NSD2: variants seen among roughly 807,000 people sequenced by gnomAD.
NSD2 encodes histone-lysine N-methyltransferase NSD2.
A neutral mutation model predicts 139.0 loss-of-function variants in NSD2; 12 were observed. That is an observed-to-expected ratio of 0.09 (90% confidence interval 0.06 to 0.14). NSD2 has a LOEUF of 0.14. NSD2 is among the 10% of genes least tolerant of loss of function. The probability of loss-of-function intolerance (pLI) is 1.00; values close to 1 mark genes in which losing one functional copy is unlikely to be tolerated. For missense variants in NSD2, 1,155 were observed against 1,745.0 expected, an observed-to-expected ratio of 0.66 and a Z score of 6.02; for synonymous variants, 669 against 648.7, an observed-to-expected ratio of 1.03 and a Z score of -0.48.
intron 1 of NSD2, among the ~76,000 whole-genome samples, chr4:1,878,407 CA>C (rs1360556191): frequency 6.6e-6 from 1 of 150,996 alleles, no homozygotes; most frequent in Non-Finnish European, 1.5e-5. Flanking sequence ...CATGCCTGGC[CA>C]AAAAAACTTT....
At chr4:1,928,854 A>G (rs956770597) in intron 5 of NSD2, among the ~76,000 whole-genome samples, 6 of 152,096 alleles carry the variant, frequency 3.9e-5, no homozygotes, top group African/African-American at 1.4e-4. Flanking sequence ...CCACTGGTTG[A>G]AGAGCTGAGG....
chr4:1,886,096 G>A (rs1454936919), intron 1 of NSD2, among the ~76,000 whole-genome samples: 3 of 152,200 alleles, frequency 2.0e-5, no homozygotes, highest in Non-Finnish European at 2.9e-5. Flanking sequence ...ACTAAAGCGC[G>A]TCCATTGAAG....
intron 5 of NSD2, among the ~76,000 whole-genome samples, chr4:1,928,006 C>A (rs1721160508): frequency 6.6e-6 from 1 of 151,996 alleles, no homozygotes; most frequent in Non-Finnish European, 1.5e-5. Flanking sequence ...GCTTCCACCT[C>A]CACTTCCCAA....
intron 1 of NSD2, among the ~76,000 whole-genome samples, chr4:1,896,419 C>T (rs892443139): frequency 1.3e-5 from 2 of 152,210 alleles, no homozygotes; most frequent in Non-Finnish European, 2.9e-5. Flanking sequence ...CTGAGTCTGG[C>T]GTGCAATAGT....
In NSD2 at chr4:1,937,962, A is replaced by T. The variant is rs142740424; in HGVS notation, c.1675-489A>T. Reference sequence around the variant, plus strand: ...GTTTGTCTAAAAATTGGAAATCCTCAGTATAGTGATACTAGTAATGTTGGT... The same window carrying T: ...GTTTGTCTAAAAATTGGAAATCCTCTGTATAGTGATACTAGTAATGTTGGT... On this transcript the variant is annotated intron_variant, in intron 7 of 21. Transcript: ENST00000508803. Among the ~76,000 whole-genome samples, 153 of 152,354 alleles carry T rather than the reference A, an allele frequency of 1.0e-3. 1 individual carries two copies. In the Middle Eastern group the frequency reaches 0.031, roughly 30 times the overall value.
chr4:1,892,546 T>C (rs1715662584), intron 1 of NSD2, among the ~76,000 whole-genome samples: 1 of 151,952 alleles, frequency 6.6e-6, no homozygotes, highest in African/African-American at 2.4e-5. Context: ...TCTGTTCCTG[T>C]CCCCCTTAGA....
In NSD2 at chr4:1,932,032, G is replaced by A. The variant is rs116177396; in HGVS notation, c.1555+1262G>A. Reference sequence around the variant, plus strand: ...TTTCTGCCCACAGTGTGTGTCAGGTGTATGCAGGTTCTTGGGTGTCCTTTA... The same window carrying A: ...TTTCTGCCCACAGTGTGTGTCAGGTATATGCAGGTTCTTGGGTGTCCTTTA... On this transcript the variant is annotated intron_variant, in intron 6 of 21. Coordinates refer to ENST00000508803, the MANE Select transcript of NSD2 (RefSeq NM_001042424.3). Among the ~76,000 whole-genome samples, 439 of 152,294 alleles carry A rather than the reference G, an allele frequency of 2.9e-3. 3 individuals are homozygous for A. The highest frequency in any genetic ancestry group is 0.01 in the African/African-American group (416 of 41,548).
chr4:1,975,777 C>T (rs1560814190), intron 20 of NSD2: 1 of 222,832 alleles, frequency 4.5e-6, no homozygotes, highest in East Asian at 1.1e-4. Context: ...CCCAACCATT[C>T]TCCCTGCGAA....
intron 5 of NSD2, 71 bp from the exon 6 acceptor site, chr4:1,930,555 T>C: frequency 2.0e-6 from 3 of 1,476,154 alleles, no homozygotes; most frequent in Non-Finnish European, 2.7e-6. Flanking sequence ...GTGCATTTGA[T>C]TTCATGCAAA....
chr4:1,900,927 C>T lies in NSD2; in HGVS notation c.273C>T (p.Pro91=), dbSNP rs562323675. ...CTTCCCGGGTGTTTAATGGAGAACC[C>T]GGCGCACACGATGCCAAACTGCGTT... ...DLTSRVFNGE[P]GAHDAKLRFE... Residue 91 remains proline (P), a synonymous_variant, in exon 2 of 22, where the codon CCC becomes CCT. Transcript: ENST00000508803. 45 of 1,613,982 alleles carry T rather than the reference C, an allele frequency of 2.8e-5. No individual in the cohort carries two copies. The highest frequency in any genetic ancestry group is 5.3e-5 in the African/African-American group (4 of 74,904).
intron 3 of NSD2, among the ~76,000 whole-genome samples, chr4:1,914,892 C>A (rs1719154701): frequency 5.9e-5 from 9 of 152,106 alleles, no homozygotes. Context: ...GTGGATGTTG[C>A]AGTGGGACAC....
At position 1,918,607 on chromosome 4, in the gene NSD2, A is replaced by G. The variant is rs200573697; in HGVS notation, c.1394A>G (p.Gln465Arg). 32 of 1,613,712 alleles carry G rather than the reference A, an allele frequency of 2.0e-5. No homozygotes were observed. The highest frequency in any genetic ancestry group is 2.7e-5 in the Non-Finnish European group (32 of 1,180,016). The change falls in exon 5 of 22, where the codon CAA (glutamine) becomes CGA (arginine). Residue 465 changes from glutamine (Q) to arginine (R), a missense_variant. Physicochemically the swap from Gln to Arg is conservative, Grantham distance 43. Coordinates refer to ENST00000508803, the MANE Select transcript of NSD2 (RefSeq NM_001042424.3). ...DAASQFLVFC[Q>R]KHRDEVVAEH... ...GCATCCCAGTTTTTGGTCTTCTGTC[A>G]AAAACACAGGGATGAGGTCAGTACT...
At position 1,981,714 on chromosome 4, in the gene NSD2, A is replaced by C; in HGVS notation, c.*2805A>C. On this transcript the variant is annotated 3_prime_UTR_variant, in exon 22 of 22. Coordinates refer to ENST00000508803, the MANE Select transcript of NSD2 (RefSeq NM_001042424.3). ...GCAGTGTTTGTCTGTCTTGACATCT[A>C]AACCCCGGCGTGTGCAGTGCCCATC... 2.5e-6 allele frequency: 1 copy of C among 396,030 alleles called. No individual in the cohort carries two copies. Among genetic ancestry groups the C allele is most frequent in the Non-Finnish European group, 4.4e-6 (1 of 224,902 alleles). The allele number at this position is 396,030 out of a possible 1,614,324, so 24.5% of individuals were successfully genotyped here. A position where few individuals can be genotyped will look rare whatever the true frequency, so the allele number is the denominator to read the frequency against.
At chr4:1,889,947 C>G (rs1340492376) in intron 1 of NSD2, among the ~76,000 whole-genome samples, 1 of 152,148 alleles carries the variant, frequency 6.6e-6, no homozygotes, top group African/African-American at 2.4e-5. Flanking sequence ...AACATTTCAT[C>G]AGCTCAGTAA....
intron 15 of NSD2, 149 bp from the exon 16 acceptor site, chr4:1,957,784 A>G (rs1724980485): frequency 1.4e-6 from 1 of 721,428 alleles, no homozygotes; most frequent in Non-Finnish European, 2.3e-6. Context: ...ATACCTGCCC[A>G]CTGACAGTTG....
At chr4:1,952,830 C>A in intron 11 of NSD2, 1 of 1,219,052 alleles carries the variant, frequency 8.2e-7, no homozygotes, top group Non-Finnish European at 1.0e-6. Context: ...TGCCTACTCA[C>A]CGGGCCCAAG....
intron 1 of NSD2, among the ~76,000 whole-genome samples, chr4:1,877,089 A>T (rs1427475749): frequency 1.3e-5 from 2 of 152,104 alleles, no homozygotes; most frequent in Non-Finnish European, 2.9e-5. Flanking sequence ...ATGAGCCGAG[A>T]TCATGCTACT....
chr4:1,980,284 G>A lies in NSD2; in HGVS notation c.*1375G>A. ...TTAAGACTTGGTTCTTTTTTTGAGGGATCCTTGACCCTGGGAAGTCTGGAG... is the reference window on the plus strand; with the variant it reads ...TTAAGACTTGGTTCTTTTTTTGAGGAATCCTTGACCCTGGGAAGTCTGGAG... On this transcript the variant is annotated 3_prime_UTR_variant, in exon 22 of 22. Coordinates refer to ENST00000508803, the MANE Select transcript of NSD2 (RefSeq NM_001042424.3). The A allele has an allele frequency of 4.3e-6, 1 of 233,064 alleles. No individual in the cohort carries two copies. The highest frequency in any genetic ancestry group is 8.5e-6 in the Non-Finnish European group (1 of 117,982). 14.4% of individuals were successfully genotyped at this position (233,064 alleles called of 1,614,324 possible). A position where few individuals can be genotyped will look rare whatever the true frequency, so the allele number is the denominator to read the frequency against.
At chr4:1,962,398 C>T (rs1339581327) in intron 18 of NSD2, among the ~76,000 whole-genome samples, 1 of 152,166 alleles carries the variant, frequency 6.6e-6, no homozygotes, top group East Asian at 1.9e-4. Flanking sequence ...TTAATTTGGA[C>T]AGGAGGCTGT....
Sources: allele counts gnomAD v4.1 joint callset (sites outside exome capture counted in the v4.1 genomes callset), GRCh38; gene constraint gnomAD v4.1.1; transcripts MANE v1.5; gene names NCBI Gene and HGNC (gene_info 2026-07-23, HGNC 2026-07-21).